The following LRRC52 variants were observed in gnomAD, a reference collection of about 807,000 sequenced individuals.
LRRC52 encodes leucine-rich repeat-containing protein 52.
Under a neutral mutation model 14.7 loss-of-function variants are expected in LRRC52, and 15 were observed. That is an observed-to-expected ratio of 1.02 (90% CI 0.68 to 1.58). The LOEUF (loss-of-function observed/expected upper bound fraction) is 1.58. Ranked by LOEUF, LRRC52 falls within the 40% of genes most tolerant of loss-of-function variation. LRRC52 has a pLI of 0.00. For synonymous variants in LRRC52, 180 were observed against 163.9 expected (o/e 1.10, Z -0.75); for missense variants, 400 against 387.7 (o/e 1.03, Z -0.27).
chr1:165,549,896 A>C (rs1226101777), intron 1 of LRRC52, among the ~76,000 whole-genome samples: 1 of 152,240 alleles, frequency 6.6e-6, no homozygotes, highest in Non-Finnish European at 1.5e-5. Context: ...GAAACTCTCC[A>C]ATGGCATACT....
intron 1 of LRRC52, among the ~76,000 whole-genome samples, chr1:165,554,426 G>GTTGTT (rs1553233021): frequency 2.0e-5 from 3 of 150,476 alleles, no homozygotes; most frequent in African/African-American, 7.3e-5. Flanking sequence ...AATGATAGGT[G>GTTGTT]GTTGTTGTTG....
chr1:165,547,051 C>A (rs1452876745), intron 1 of LRRC52, among the ~76,000 whole-genome samples: 2 of 152,080 alleles, frequency 1.3e-5, no homozygotes, highest in African/African-American at 2.4e-5. Flanking sequence ...TACCTCATTT[C>A]CTTTAGCATG....
At position 165,556,113 on chromosome 1, in the gene LRRC52, T is replaced by C. The variant is rs151235970; in HGVS notation, c.623-7392T>C. On this transcript the variant is annotated intron_variant, in intron 1 of 1. Coordinates refer to ENST00000294818, the MANE Select transcript of LRRC52 (RefSeq NM_001005214.4). ...AGAAAACTTTACACTTTGAGTGTTA[T>C]TTTATTGGTGAAATGGAATGTTTCA... is the stretch of plus-strand genomic sequence containing the variant. Among the ~76,000 whole-genome samples, 911 of 152,380 alleles carry C rather than the reference T, an allele frequency of 6.0e-3. 3 individuals carry two copies. The highest frequency in any genetic ancestry group is 0.024 in the Middle Eastern group (7 of 294).
intron 1 of LRRC52, among the ~76,000 whole-genome samples, chr1:165,554,453 T>TGTTGTTGTTG (rs55742551): frequency 6.6e-6 from 1 of 151,860 alleles, no homozygotes; most frequent in African/African-American, 2.4e-5. Flanking sequence ...TTGTTGTTGT[T>TGTTGTTGTTG]TTTTGGAGGC....
At position 165,544,228 on chromosome 1, in the gene LRRC52, C is replaced by CCCCCCCCCCCA; in HGVS notation, c.-68_-67insCCCCCCCCCAC. ...GCCCCTCCCCCGCCCCACCCCCCCA[C>CCCCCCCCCCCA]CGGCAGCCTTCGGATCAGAGGACAG... On this transcript the variant is annotated 5_prime_UTR_variant, in exon 1 of 2. Coordinates refer to ENST00000294818, the MANE Select transcript of LRRC52 (RefSeq NM_001005214.4). 2 of 1,460,382 alleles carry CCCCCCCCCCCA rather than the reference C, an allele frequency of 1.4e-6. No individual in the cohort carries two copies. Among genetic ancestry groups the CCCCCCCCCCCA allele is most frequent in the South Asian group, 1.3e-5 (1 of 74,758 alleles). 90.5% of individuals were successfully genotyped at this position (1,460,382 alleles called of 1,614,324 possible).
intron 1 of LRRC52, among the ~76,000 whole-genome samples, chr1:165,560,181 A>G (rs931309113): frequency 2.0e-5 from 3 of 152,252 alleles, no homozygotes; most frequent in African/African-American, 7.2e-5. Flanking sequence ...ATGACATAGA[A>G]TGAAATAATG....
rs74120742 is a variant in LRRC52, at chr1:165,548,398, T to C, written c.622+3480T>C. Among the ~76,000 whole-genome samples, 991 of 152,290 alleles carry C rather than the reference T, an allele frequency of 6.5e-3. 3 individuals carry two copies. Among genetic ancestry groups the C allele is most frequent in the African/African-American group, 0.022 (926 of 41,556 alleles). Reference sequence around the variant, plus strand: ...AGGTAACTAACCAAGAAACCTGAGGTTGCATATGGAGACTTACGTAACTCT... The same window carrying C: ...AGGTAACTAACCAAGAAACCTGAGGCTGCATATGGAGACTTACGTAACTCT... On this transcript the variant is annotated intron_variant, in intron 1 of 1. Transcript: ENST00000294818.
chr1:165,563,416 TG>T, intron 1 of LRRC52, 88 bp from the exon 2 acceptor site: 1 of 1,133,220 alleles, frequency 8.8e-7, no homozygotes, highest in Non-Finnish European at 1.3e-6. Flanking sequence ...GCACTGAGGG[TG>T]CAGATGGTCC....
chr1:165,560,732 G>A (rs1661323543), intron 1 of LRRC52, among the ~76,000 whole-genome samples: 1 of 152,162 alleles, frequency 6.6e-6, no homozygotes, highest in African/African-American at 2.4e-5. Context: ...CAAAAAAGGA[G>A]CAGTGTAACA....
At chr1:165,556,544 T>C (rs1383174697) in intron 1 of LRRC52, among the ~76,000 whole-genome samples, 1 of 152,204 alleles carries the variant, frequency 6.6e-6, no homozygotes, top group Non-Finnish European at 1.5e-5. Flanking sequence ...GCTTTGTGGG[T>C]CTTCATTGCA....
At position 165,563,737 on chromosome 1, in the gene LRRC52, G is replaced by A. The variant is rs1283412173; in HGVS notation, c.855G>A (p.Glu285=). 6.2e-7 allele frequency: 1 copy of A among 1,614,168 alleles called. No homozygotes were observed. Among genetic ancestry groups the A allele is most frequent in the Non-Finnish European group, 8.5e-7 (1 of 1,180,034 alleles). ...NTRHKSSEED[E]DEAGTRVEVS... ...GCCACAAGTCGAGTGAAGAAGATGA[G>A]GACGAGGCCGGGACTAGGGTGGAAG... The change falls in exon 2 of 2, where the codon GAG becomes GAA. Residue 285 remains glutamate, a synonymous_variant. Coordinates refer to ENST00000294818, the MANE Select transcript of LRRC52 (RefSeq NM_001005214.4).
intron 1 of LRRC52, among the ~76,000 whole-genome samples, chr1:165,557,345 C>T (rs1483540677): frequency 6.6e-6 from 1 of 152,158 alleles, no homozygotes; most frequent in East Asian, 1.9e-4. Context: ...GGGATTGGTA[C>T]TCACCCAGTG....
intron 1 of LRRC52, among the ~76,000 whole-genome samples, chr1:165,552,163 C>T (rs994505372): frequency 2.0e-5 from 3 of 151,988 alleles, no homozygotes; most frequent in Non-Finnish European, 2.9e-5. Context: ...CATTTAGGAA[C>T]CCCTGGGTGA....
At chr1:165,561,371 T>G (rs1661338716) in intron 1 of LRRC52, among the ~76,000 whole-genome samples, 1 of 152,224 alleles carries the variant, frequency 6.6e-6, no homozygotes, top group Non-Finnish European at 1.5e-5. Flanking sequence ...TACATCTTTC[T>G]TTGAAGATTC....
chr1:165,557,230 C>G (rs1661253909), intron 1 of LRRC52, among the ~76,000 whole-genome samples: 2 of 152,212 alleles, frequency 1.3e-5, no homozygotes, highest in Non-Finnish European at 2.9e-5. Flanking sequence ...AGAGGAGGTG[C>G]TCTTCCCAGT....
intron 1 of LRRC52, among the ~76,000 whole-genome samples, chr1:165,547,761 TAC>T (rs1302028841): frequency 6.6e-6 from 1 of 152,196 alleles, no homozygotes; most frequent in East Asian, 1.9e-4. Flanking sequence ...ACATATTACA[TAC>T]ACACACATAA....
chr1:165,547,586 A>G (rs1459590220), intron 1 of LRRC52, among the ~76,000 whole-genome samples: 1 of 152,214 alleles, frequency 6.6e-6, no homozygotes. Flanking sequence ...AATCACAAAT[A>G]TGCACACAAA....
At position 165,544,642 on chromosome 1, in the gene LRRC52, A is replaced by G; in HGVS notation, c.346A>G (p.Ile116Val). Residue 116 changes from isoleucine to valine, a missense_variant, in exon 1 of 2, where the codon ATC becomes GTC. Coordinates refer to ENST00000294818, the MANE Select transcript of LRRC52 (RefSeq NM_001005214.4). ...LDLSSNNLTS[I>V]SPFTFSVLSN... Reference sequence around the variant, plus strand: ...CCTCAGCTCCAACAACCTAACCTCGATCTCCCCATTCACTTTCTCGGTGCT... The same window carrying G: ...CCTCAGCTCCAACAACCTAACCTCGGTCTCCCCATTCACTTTCTCGGTGCT... 2 of 1,612,364 alleles carry G rather than the reference A, an allele frequency of 1.2e-6. No individual in the cohort carries two copies. Among genetic ancestry groups the G allele is most frequent in the Non-Finnish European group, 1.7e-6 (2 of 1,179,638 alleles).
intron 1 of LRRC52, among the ~76,000 whole-genome samples, chr1:165,556,464 G>A (rs923265543): frequency 6.6e-6 from 1 of 152,196 alleles, no homozygotes; most frequent in Non-Finnish European, 1.5e-5. Context: ...AAGGTTTTAA[G>A]GTGCCTAGGA....
Sources: allele counts gnomAD v4.1 joint callset (sites outside exome capture counted in the v4.1 genomes callset), GRCh38; gene constraint gnomAD v4.1.1; transcripts MANE v1.5; gene names NCBI Gene and HGNC (gene_info 2026-07-23, HGNC 2026-07-21).